HHLA2: variants seen among roughly 807,000 people sequenced by gnomAD.
The protein encoded by HHLA2 is HHLA2 member of B7 family, also known as HERV-H LTR-associating protein 2.
In HHLA2, 48 loss-of-function variants were observed where a neutral mutation model predicts 45.9. That is an observed-to-expected ratio of 1.05 (90% confidence interval 0.83 to 1.33). The LOEUF (loss-of-function observed/expected upper bound fraction) is 1.33. HHLA2 is among the 40% of genes most tolerant of loss of function. The probability of loss-of-function intolerance (pLI) is 0.00; values close to 1 mark genes in which losing one functional copy is unlikely to be tolerated. For synonymous variants in HHLA2, 161 were observed against 173.9 expected (o/e 0.93, Z 0.59); for missense variants, 462 against 494.3 (o/e 0.93, Z 0.62).
chr3:108,368,380 G>C (rs1436560142), intron 8 of HHLA2, among the ~76,000 whole-genome samples: 5 of 151,482 alleles, frequency 3.3e-5, no homozygotes, highest in Admixed American at 1.3e-4. Flanking sequence ...AATGTAAATG[G>C]ACTAAATGCC....
intron 2 of HHLA2, chr3:108,328,137 A>T: frequency 3.6e-6 from 1 of 279,952 alleles, no homozygotes; most frequent in Non-Finnish European, 6.6e-6. Flanking sequence ...TGTCTCGAAG[A>T]AAAAAAAAAA....
At chr3:108,298,816 A>C (rs1463891430) in intron 1 of HHLA2, among the ~76,000 whole-genome samples, 1 of 152,192 alleles carries the variant, frequency 6.6e-6, no homozygotes, top group Non-Finnish European at 1.5e-5. Context: ...CTGTCATTGC[A>C]CATTGCTGCT....
intron 1 of HHLA2, among the ~76,000 whole-genome samples, chr3:108,307,557 CAAG>C (rs1158223710): frequency 2.6e-5 from 4 of 151,028 alleles, no homozygotes; most frequent in Admixed American, 2.0e-4. Context: ...TCACTTGAAA[CAAG>C]AAGACGGAGG....
intron 2 of HHLA2, chr3:108,326,459 T>A (rs530891071): frequency 6.6e-6 from 1 of 152,368 alleles, no homozygotes; most frequent in Non-Finnish European, 1.5e-5. Context: ...TTCACTACCA[T>A]GAGAACTGTA....
chr3:108,354,608 T>C (rs964598613), intron 5 of HHLA2, among the ~76,000 whole-genome samples: 5 of 151,826 alleles, frequency 3.3e-5, no homozygotes, highest in African/African-American at 9.7e-5. Flanking sequence ...TAGATATATA[T>C]ACACACACAC....
At chr3:108,335,626 T>G (rs1333723422) in intron 3 of HHLA2, among the ~76,000 whole-genome samples, 1 of 152,140 alleles carries the variant, frequency 6.6e-6, no homozygotes, top group African/African-American at 2.4e-5. Flanking sequence ...AGAAAAAGGA[T>G]GCAATCATGG....
chr3:108,330,994 T>C (rs1241512054), intron 3 of HHLA2, among the ~76,000 whole-genome samples: 1 of 152,116 alleles, frequency 6.6e-6, no homozygotes, highest in Non-Finnish European at 1.5e-5. Context: ...GGAAAGAAAG[T>C]GCTGTTAGAG....
intron 3 of HHLA2, among the ~76,000 whole-genome samples, chr3:108,350,922 T>C (rs9841151): frequency 0.68 from 102,874 of 152,086 alleles, 35,679 homozygotes; most frequent in African/African-American, 0.77. Flanking sequence ...TGACCTCAAG[T>C]GATCCTCTTG....
intron 9 of HHLA2, 141 bp from the exon 9 acceptor site, chr3:108,376,351 AT>A (rs1156660687): frequency 1.5e-5 from 9 of 616,986 alleles, no homozygotes; most frequent in Non-Finnish European, 1.9e-5. Flanking sequence ...CACTGAATGC[AT>A]TTTTCATGTT....
At chr3:108,309,139 G>C (rs1043021912) in intron 1 of HHLA2, among the ~76,000 whole-genome samples, 3 of 152,112 alleles carry the variant, frequency 2.0e-5, no homozygotes, top group Non-Finnish European at 2.9e-5. Context: ...TTCATGGTTT[G>C]AGGTCTTAGA....
chr3:108,322,630 A>G (rs1168129842), intron 2 of HHLA2, among the ~76,000 whole-genome samples: 2 of 152,176 alleles, frequency 1.3e-5, no homozygotes, highest in Non-Finnish European at 2.9e-5. Context: ...ATAAAAACCA[A>G]GTCTACTTAT....
chr3:108,354,255 T>A (rs193139731), intron 5 of HHLA2, among the ~76,000 whole-genome samples: 2 of 152,208 alleles, frequency 1.3e-5, no homozygotes, highest in East Asian at 3.9e-4. Flanking sequence ...TAGCTATATA[T>A]AACACTATAC....
chr3:108,335,295 AG>A (rs1416763533), intron 3 of HHLA2, among the ~76,000 whole-genome samples: 1 of 152,182 alleles, frequency 6.6e-6, no homozygotes, highest in African/African-American at 2.4e-5. Context: ...ATGCCCACTG[AG>A]CCCACCATAC....
chr3:108,369,701 A>G lies in HHLA2; in HGVS notation c.1109-6049A>G, dbSNP rs1448186954. Among the ~76,000 whole-genome samples the G allele has an allele frequency of 3.3e-5, 5 of 152,114 alleles. No homozygotes were observed. In the East Asian group the frequency reaches 9.6e-4, roughly 29 times the overall value. On this transcript the variant is annotated intron_variant, in intron 8 of 10. Transcript: ENST00000619531. Reference sequence around the variant, plus strand: ...GACTCAGAGGGTCCTACACCCACGGAGTCTCGCTCATTGCTAGCACAGCAG... The same window carrying G: ...GACTCAGAGGGTCCTACACCCACGGGGTCTCGCTCATTGCTAGCACAGCAG...
intron 1 of HHLA2, among the ~76,000 whole-genome samples, chr3:108,307,974 G>T (rs1576095652): frequency 6.6e-6 from 1 of 151,964 alleles, no homozygotes. Flanking sequence ...GGAGAATGGG[G>T]TATCCATCCT....
At position 108,359,933 on chromosome 3, in the gene HHLA2, C is replaced by G. The variant is rs77568999; in HGVS notation, c.1003+1772C>G. ...TGTTTATGCCTTGGTGCCTCATTCACACTTCTATGAATACAGGTTCTATTG... is the reference window on the plus strand; with the variant it reads ...TGTTTATGCCTTGGTGCCTCATTCAGACTTCTATGAATACAGGTTCTATTG... On this transcript the variant is annotated intron_variant, in intron 7 of 10. Transcript: ENST00000619531. 1.2e-4 allele frequency among the ~76,000 whole-genome samples: 19 copies of G among 152,290 alleles called. No individual in the cohort carries two copies. The East Asian group carries it at 3.5e-3, about 28-fold the overall frequency.
At chr3:108,355,270 T>A (rs201009066) in exon 6 of HHLA2, 1 of 1,613,796 alleles carries the variant, frequency 6.2e-7, no homozygotes, top group African/African-American at 1.3e-5. Flanking sequence ...GTCTTTGGAT[T>A]CTTTTTCTAT....
intron 2 of HHLA2, among the ~76,000 whole-genome samples, chr3:108,318,180 CAAAA>C (rs55796552): frequency 8.2e-6 from 1 of 122,432 alleles, no homozygotes; most frequent in African/African-American, 3.0e-5. Flanking sequence ...GACTCCATCT[CAAAA>C]AAAAAAAAAA....
Position 108,362,420 on chromosome 3 carries a change from TG to T in HHLA2, c.1083del (p.Ile362PhefsTer4). The stretch of plus-strand genomic sequence containing the variant: ...TCTGCGATTTTGGCAGCTTTTCTGC[TG>T]ATTTGGAGCGTAAAATGTTGCAGAG... On this transcript the variant is annotated frameshift_variant, in exon 8 of 11. Coordinates refer to ENST00000619531, the Ensembl canonical transcript of HHLA2. LOFTEE classifies it high-confidence loss of function. 1 of 1,611,598 alleles carries T rather than the reference TG, an allele frequency of 6.2e-7. No individual in the cohort carries two copies. Among genetic ancestry groups the T allele is most frequent in the Non-Finnish European group, 8.5e-7 (1 of 1,178,794 alleles).
Sources: gnomAD v4.1 joint callset for allele counts (sites outside exome capture counted in the v4.1 genomes callset) on GRCh38, gnomAD v4.1.1 for gene constraint, MANE v1.5 for transcripts, NCBI Gene and HGNC (gene_info 2026-07-23, HGNC 2026-07-21) for gene names.